The following SLC41A2 variants were observed in gnomAD, a reference collection of about 807,000 sequenced individuals.
SLC41A2 encodes solute carrier family 41 member 2.
Under a neutral mutation model 58.3 loss-of-function variants are expected in SLC41A2, and 32 were observed. The observed-to-expected ratio is 0.55, with a 90% CI of 0.41 to 0.74. The LOEUF (loss-of-function observed/expected upper bound fraction) is 0.74. Among genes scored for constraint, SLC41A2 ranks in the 30% least tolerant of loss-of-function variants. The pLI is 0.00. For synonymous variants in SLC41A2, 190 were observed against 235.0 expected, an observed-to-expected ratio of 0.81 and a Z score of 1.75; for missense variants, 514 against 680.6, an observed-to-expected ratio of 0.76 and a Z score of 2.72.
chr12:104,866,697 T>C lies in SLC41A2; in HGVS notation c.1028-118A>G, dbSNP rs531384395. 2.0e-4 allele frequency: 153 copies of C among 769,722 alleles called. 1 individual carries two copies. Among genetic ancestry groups the C allele is most frequent in the Middle Eastern group, 1.7e-3 (4 of 2,408 alleles). The allele number at this position is 769,722 out of a possible 1,614,324, so 47.7% of individuals were successfully genotyped here. A position where few individuals can be genotyped will look rare whatever the true frequency, so the allele number is the denominator to read the frequency against. On this transcript the variant is annotated intron_variant, in intron 6 of 10. Transcript: ENST00000258538. Reference sequence around the variant, plus strand: ...GACACTATCAAACATATTAACATGCTATACATTTTCTATAAACTTCAAACA... The same window carrying C: ...GACACTATCAAACATATTAACATGCCATACATTTTCTATAAACTTCAAACA...
intron 3 of SLC41A2, among the ~76,000 whole-genome samples, chr12:104,906,742 G>T (rs115592778): frequency 6.6e-6 from 1 of 152,008 alleles, no homozygotes; most frequent in African/African-American, 2.4e-5. Context: ...TGCTTTTAAC[G>T]ACGAACGCAT....
intron 10 of SLC41A2, chr12:104,834,240 C>T: frequency 1.1e-6 from 1 of 930,560 alleles, no homozygotes; most frequent in Non-Finnish European, 1.3e-6. Flanking sequence ...GACCTTACAA[C>T]CTAAGCTATA....
At chr12:104,836,448 C>G (rs531162193) in intron 10 of SLC41A2, among the ~76,000 whole-genome samples, 84 of 152,064 alleles carry the variant, frequency 5.5e-4, no homozygotes, top group Admixed American at 2.0e-3. Flanking sequence ...TGTTAGAGAT[C>G]AAAAACTTTC....
At chr12:104,919,871 G>A (rs1253591031) in intron 2 of SLC41A2, among the ~76,000 whole-genome samples, 3 of 152,052 alleles carry the variant, frequency 2.0e-5, no homozygotes, top group South Asian at 2.1e-4. Flanking sequence ...TGTTTTTGGT[G>A]TCAAGTGTAA....
chr12:104,847,760 TGATA>T (rs1240723771), intron 8 of SLC41A2, among the ~76,000 whole-genome samples: 2 of 152,198 alleles, frequency 1.3e-5, no homozygotes, highest in Non-Finnish European at 2.9e-5. Flanking sequence ...TTAATGTCAT[TGATA>T]GATTCTTGGA....
At chr12:104,823,890 G>A (rs903939939) in intron 10 of SLC41A2, among the ~76,000 whole-genome samples, 2 of 152,120 alleles carry the variant, frequency 1.3e-5, no homozygotes, top group Non-Finnish European at 2.9e-5. Flanking sequence ...AGGGATTTTT[G>A]TTAAATAAGT....
At chr12:104,889,352 G>A (rs556506265) in intron 4 of SLC41A2, among the ~76,000 whole-genome samples, 175 bp from the exon 5 acceptor site, 3 of 152,216 alleles carry the variant, frequency 2.0e-5, no homozygotes, top group South Asian at 4.1e-4. Context: ...CTAAGATGGT[G>A]GGTTCTCAAA....
chr12:104,877,863 G>T (rs2044130968), intron 6 of SLC41A2, among the ~76,000 whole-genome samples: 1 of 151,946 alleles, frequency 6.6e-6, no homozygotes, highest in South Asian at 2.1e-4. Context: ...AGCCGGGCAT[G>T]GTAGCGTGTG....
chr12:104,915,748 G>A (rs944134037), intron 2 of SLC41A2, among the ~76,000 whole-genome samples: 2 of 152,074 alleles, frequency 1.3e-5, no homozygotes, highest in South Asian at 4.1e-4. Flanking sequence ...TTTCCTAATT[G>A]AATACCCTGT....
chr12:104,948,395 T>C (rs1220548519), intron 1 of SLC41A2, among the ~76,000 whole-genome samples: 1 of 151,952 alleles, frequency 6.6e-6, no homozygotes, highest in Non-Finnish European at 1.5e-5. Context: ...AAAAAATATA[T>C]AAAAACTTAA....
chr12:104,895,576 A>G (rs2045238260), intron 3 of SLC41A2, among the ~76,000 whole-genome samples: 2 of 152,174 alleles, frequency 1.3e-5, no homozygotes, highest in South Asian at 4.1e-4. Context: ...TCTTACAAGA[A>G]CTAGTGGACC....
intron 10 of SLC41A2, among the ~76,000 whole-genome samples, chr12:104,816,272 C>T (rs1330503514): frequency 1.3e-5 from 2 of 152,160 alleles, no homozygotes; most frequent in Non-Finnish European, 1.5e-5. Context: ...ATGAAACTTC[C>T]ATTTTTAGCA....
intron 1 of SLC41A2, among the ~76,000 whole-genome samples, chr12:104,934,242 G>C (rs888297966): frequency 6.6e-6 from 1 of 152,134 alleles, no homozygotes; most frequent in African/African-American, 2.4e-5. Context: ...TGGCTTTACT[G>C]TGCTTAAAGA....
intron 1 of SLC41A2, among the ~76,000 whole-genome samples, chr12:104,948,229 C>G (rs753933484): frequency 5.3e-5 from 8 of 151,882 alleles, no homozygotes; most frequent in Non-Finnish European, 8.8e-5. Flanking sequence ...TGGATAATGA[C>G]GAAAAAAATG....
chr12:104,884,727 G>A (rs1460594148), intron 6 of SLC41A2, among the ~76,000 whole-genome samples: 2 of 152,132 alleles, frequency 1.3e-5, no homozygotes, highest in African/African-American at 2.4e-5. Flanking sequence ...AACTCATGCC[G>A]TTACTGGCTT....
Position 104,914,383 on chromosome 12 carries a change from GT to G in SLC41A2, c.556-4622del, listed in dbSNP as rs373998403. 5.0e-3 allele frequency among the ~76,000 whole-genome samples: 768 copies of G among 152,306 alleles called. 6 individuals are homozygous for G. Among genetic ancestry groups the G allele is most frequent in the African/African-American group, 0.017 (712 of 41,576 alleles). On this transcript the variant is annotated intron_variant, in intron 2 of 10. Transcript: ENST00000258538. ...TTTGGCACTGCATAACTTCTCAAAT[GT>G]TGGAATTGGAAACTATCACCTTCAT...
chr12:104,949,819 G>A lies in SLC41A2; in HGVS notation c.-168+8269C>T, dbSNP rs149422455. Among the ~76,000 whole-genome samples the A allele has an allele frequency of 3.2e-3, 485 of 152,298 alleles. 1 individual carries two copies. The highest frequency in any genetic ancestry group is 0.011 in the African/African-American group (459 of 41,560). ...GCTGGCCTCGAACTCCCGACCTCAGGTGATCCGCCTGCCTCAGCCTCCCAA... is the reference window on the plus strand; with the variant it reads ...GCTGGCCTCGAACTCCCGACCTCAGATGATCCGCCTGCCTCAGCCTCCCAA... On this transcript the variant is annotated intron_variant, in intron 1 of 10. Transcript: ENST00000258538.
chr12:104,930,731 G>A (rs2047018964), intron 1 of SLC41A2, among the ~76,000 whole-genome samples: 1 of 152,156 alleles, frequency 6.6e-6, no homozygotes, highest in African/African-American at 2.4e-5. Flanking sequence ...TCTGTGCTTT[G>A]AAAACCTGAC....
Position 104,847,362 on chromosome 12 carries a change from G to T in SLC41A2, c.1256-1388C>A, listed in dbSNP as rs373447942. 5.4e-4 allele frequency among the ~76,000 whole-genome samples: 82 copies of T among 152,112 alleles called. 1 individual carries two copies. The highest frequency in any genetic ancestry group is 2.0e-3 in the African/African-American group (81 of 41,498). ...CTCCCGCCTGTAATCCCAGCACTTTGGGGGGCCGAGGTGGGTGGATCACGA... is the reference window on the plus strand; with the variant it reads ...CTCCCGCCTGTAATCCCAGCACTTTTGGGGGCCGAGGTGGGTGGATCACGA... On this transcript the variant is annotated intron_variant, in intron 8 of 10. Coordinates refer to ENST00000258538, the MANE Select transcript of SLC41A2 (RefSeq NM_001352171.3).
Sources: allele counts gnomAD v4.1 joint callset (sites outside exome capture counted in the v4.1 genomes callset), GRCh38; gene constraint gnomAD v4.1.1; transcripts MANE v1.5; gene names NCBI Gene and HGNC (gene_info 2026-07-23, HGNC 2026-07-21).